EXOC6B: variants seen among roughly 807,000 people sequenced by gnomAD.
The protein encoded by EXOC6B is SEC15 homolog B.
Under a neutral mutation model 113.5 loss-of-function variants are expected in EXOC6B, and 54 were observed. That is an observed-to-expected ratio of 0.48 (90% confidence interval 0.38 to 0.60). EXOC6B has a LOEUF of 0.60. Ranked by LOEUF, EXOC6B falls within the 20% of genes least tolerant of loss-of-function variation. EXOC6B has a pLI of 0.00. For synonymous variants in EXOC6B, 357 were observed against 339.0 expected (o/e 1.05, Z -0.58); for missense variants, 797 against 977.5 (o/e 0.82, Z 2.46).
intron 20 of EXOC6B, among the ~76,000 whole-genome samples, chr2:72,222,694 C>G (rs935470686): frequency 6.6e-6 from 1 of 152,074 alleles, no homozygotes; most frequent in African/African-American, 2.4e-5. Flanking sequence ...GGTCATGCAG[C>G]TGGTGGGCTA....
intron 6 of EXOC6B, among the ~76,000 whole-genome samples, chr2:72,696,721 C>T (rs973129115): frequency 6.6e-6 from 1 of 152,198 alleles, no homozygotes; most frequent in Non-Finnish European, 1.5e-5. Context: ...CAACAACTAA[C>T]ACCAACTGCC....
At chr2:72,406,702 A>C (rs1186481459) in intron 18 of EXOC6B, among the ~76,000 whole-genome samples, 1 of 152,194 alleles carries the variant, frequency 6.6e-6, no homozygotes, top group Non-Finnish European at 1.5e-5. Flanking sequence ...ACATTCAAAG[A>C]AGTGTGTAGA....
chr2:72,807,199 A>G (rs980423902), intron 1 of EXOC6B, among the ~76,000 whole-genome samples: 2 of 152,082 alleles, frequency 1.3e-5, no homozygotes, highest in Non-Finnish European at 2.9e-5. Flanking sequence ...ATTTTTGCAC[A>G]TGGTATAAGG....
intron 7 of EXOC6B, among the ~76,000 whole-genome samples, chr2:72,574,357 GT>G (rs1408077617): frequency 2.6e-5 from 4 of 152,114 alleles, no homozygotes; most frequent in Non-Finnish European, 4.4e-5. Context: ...AGAAACCAAT[GT>G]TTTCTCACCA....
intron 19 of EXOC6B, among the ~76,000 whole-genome samples, chr2:72,341,473 A>G (rs1449033801): frequency 1.3e-5 from 2 of 152,204 alleles, no homozygotes; most frequent in African/African-American, 4.8e-5. Flanking sequence ...ATTGTCTTAT[A>G]TCAGACAAAA....
intron 18 of EXOC6B, among the ~76,000 whole-genome samples, chr2:72,450,742 T>C (rs958586366): frequency 4.6e-5 from 7 of 152,172 alleles, no homozygotes; most frequent in Non-Finnish European, 8.8e-5. Context: ...CTCAATAGCA[T>C]AGAATAAGTA....
intron 6 of EXOC6B, among the ~76,000 whole-genome samples, chr2:72,637,274 T>C (rs1163374299): frequency 4.0e-5 from 6 of 151,732 alleles, no homozygotes; most frequent in Admixed American, 6.6e-5. Context: ...AAAGCAAAAA[T>C]TGACAAATGG....
At chr2:72,625,522 C>T (rs1212724454) in intron 6 of EXOC6B, among the ~76,000 whole-genome samples, 5 of 152,028 alleles carry the variant, frequency 3.3e-5, no homozygotes, top group African/African-American at 7.2e-5. Context: ...GACAAGGAAA[C>T]GTCAGTTTCT....
chr2:72,286,717 T>TGAGGGAG (rs1355178447), intron 20 of EXOC6B, among the ~76,000 whole-genome samples: 1 of 152,060 alleles, frequency 6.6e-6, no homozygotes, highest in Non-Finnish European at 1.5e-5. Flanking sequence ...ATACGAATAA[T>TGAGGGAG]GAGGGAGGCT....
At chr2:72,762,635 G>A (rs549738530) in intron 1 of EXOC6B, among the ~76,000 whole-genome samples, 6 of 151,932 alleles carry the variant, frequency 3.9e-5, no homozygotes, top group South Asian at 4.2e-4. Context: ...CCGCAGACCC[G>A]CACTATAAAA....
At chr2:72,585,422 A>G (rs1369349071) in intron 6 of EXOC6B, among the ~76,000 whole-genome samples, 5 of 152,114 alleles carry the variant, frequency 3.3e-5, no homozygotes, top group Non-Finnish European at 7.4e-5. Context: ...ACACGGTGAA[A>G]CCCCATCTCT....
intron 19 of EXOC6B, among the ~76,000 whole-genome samples, chr2:72,344,055 C>G (rs1689176770): frequency 6.6e-6 from 1 of 152,162 alleles, no homozygotes; most frequent in African/African-American, 2.4e-5. Flanking sequence ...CGGGGACTTC[C>G]AAATGGCTAG....
chr2:72,517,422 G>A (rs1336115629), intron 8 of EXOC6B, among the ~76,000 whole-genome samples: 1 of 152,106 alleles, frequency 6.6e-6, no homozygotes, highest in Non-Finnish European at 1.5e-5. Context: ...AAGTTCTAAA[G>A]TGATTATAAC....
intron 1 of EXOC6B, among the ~76,000 whole-genome samples, chr2:72,765,753 AAT>A: frequency 6.6e-6 from 1 of 152,258 alleles, no homozygotes; most frequent in Non-Finnish European, 1.5e-5. Flanking sequence ...AGAAGAGGGG[AAT>A]AGTAAGAATG....
chr2:72,618,987 C>T (rs1028423311), intron 6 of EXOC6B, among the ~76,000 whole-genome samples: 1 of 152,100 alleles, frequency 6.6e-6, no homozygotes, highest in African/African-American at 2.4e-5. Context: ...CTAGGCCAAC[C>T]GAGTAAAATA....
At chr2:72,748,127 T>C (rs984409599) in intron 1 of EXOC6B, among the ~76,000 whole-genome samples, 3 of 152,104 alleles carry the variant, frequency 2.0e-5, no homozygotes, top group Non-Finnish European at 4.4e-5. Context: ...TCTGTTGAGA[T>C]GTTTTCAGAA....
chr2:72,480,638 A>C lies in EXOC6B; in HGVS notation c.1778T>G (p.Leu593Arg). ...VLPETVHTTKLYGTTTFKDAR... is the reference protein window; with the variant it reads ...VLPETVHTTKRYGTTTFKDAR... Reference sequence around the variant, plus strand: ...CACCTTAAAAGTTGTGGTGCCATAGAGCTTGGTAGTGTGAACTGTCTCTGG... The same window carrying C: ...CACCTTAAAAGTTGTGGTGCCATAGCGCTTGGTAGTGTGAACTGTCTCTGG... The change falls in exon 17 of 22, where the codon CTC becomes CGC. Residue 593 changes from leucine to arginine, a missense_variant. Coordinates refer to ENST00000272427, the MANE Select transcript of EXOC6B (RefSeq NM_015189.3). The C allele has an allele frequency of 6.3e-7, 1 of 1,585,960 alleles. No individual in the cohort carries two copies.
chr2:72,553,890 T>C lies in EXOC6B; in HGVS notation c.915+5563A>G, dbSNP rs145567634. Among the ~76,000 whole-genome samples the C allele has an allele frequency of 4.9e-3, 749 of 152,280 alleles. 10 individuals are homozygous for C. Among genetic ancestry groups the C allele is most frequent in the African/African-American group, 0.017 (696 of 41,564 alleles). ...GACATCAATTTGAAAAGAGCCTCTATTGGAGCAACATGAATTCTGCTAAAA... is the reference window on the plus strand; with the variant it reads ...GACATCAATTTGAAAAGAGCCTCTACTGGAGCAACATGAATTCTGCTAAAA... On this transcript the variant is annotated intron_variant, in intron 8 of 21. Coordinates refer to ENST00000272427, the MANE Select transcript of EXOC6B (RefSeq NM_015189.3).
At chr2:72,455,166 A>G (rs1273600252) in intron 18 of EXOC6B, among the ~76,000 whole-genome samples, 1 of 152,158 alleles carries the variant, frequency 6.6e-6, no homozygotes, top group Non-Finnish European at 1.5e-5. Context: ...CTTTTTAAGG[A>G]CACCTGAAAC....
Sources: gnomAD v4.1 joint callset for allele counts (sites outside exome capture counted in the v4.1 genomes callset) on GRCh38, gnomAD v4.1.1 for gene constraint, MANE v1.5 for transcripts, NCBI Gene and HGNC (gene_info 2026-07-23, HGNC 2026-07-21) for gene names.